DIP2B: variants seen among roughly 807,000 people sequenced by gnomAD.
DIP2B encodes disco-interacting protein 2 homolog B.
A neutral mutation model predicts 198.0 loss-of-function variants in DIP2B; 76 were observed. The observed-to-expected ratio is 0.38, with a 90% confidence interval of 0.32 to 0.46. DIP2B has a LOEUF of 0.46. Among genes scored for constraint, DIP2B ranks in the 20% least tolerant of loss-of-function variants. The pLI, the probability that DIP2B is intolerant of heterozygous loss-of-function variation, is 0.99. For missense variants in DIP2B, 1,559 were observed against 1,978.4 expected, an observed-to-expected ratio of 0.79 and a Z score of 4.02; for synonymous variants, 701 against 739.1, an observed-to-expected ratio of 0.95 and a Z score of 0.84.
In DIP2B at chr12:50,731,676, T is replaced by A. The variant is rs150585919; in HGVS notation, c.3810+139T>A. 4.2e-3 allele frequency: 4,420 copies of A among 1,042,242 alleles called. 14 individuals carry two copies. The highest frequency in any genetic ancestry group is 5.5e-3 in the Non-Finnish European group (4,093 of 750,292). 64.6% of individuals were successfully genotyped at this position (1,042,242 alleles called of 1,614,324 possible). On this transcript the variant is annotated intron_variant, in intron 31 of 37. Transcript: ENST00000301180. ...CACTCAGTTAAAAAAGGGTGTATTT[T>A]AAACTTTGGCAAGTTTATCTCTTCC...
chr12:50,544,816 A>G (rs966060450), intron 1 of DIP2B, among the ~76,000 whole-genome samples: 1 of 151,380 alleles, frequency 6.6e-6, no homozygotes, highest in Non-Finnish European at 1.5e-5. Context: ...AAGGGGTTCC[A>G]CTGTGTTAGC....
Position 50,505,235 on chromosome 12 carries a change from C to T in DIP2B, c.95C>T (p.Ser32Leu). 2 of 1,514,562 alleles carry T rather than the reference C, an allele frequency of 1.3e-6. No individual in the cohort carries two copies. The highest frequency in any genetic ancestry group is 2.4e-5 in the South Asian group (2 of 82,616). 93.8% of individuals were successfully genotyped at this position (1,514,562 alleles called of 1,614,324 possible). A position where few individuals can be genotyped will look rare whatever the true frequency, so the allele number is the denominator to read the frequency against. The change falls in exon 1 of 38, where the codon TCG (serine) becomes TTG (leucine). Residue 32 changes from serine to leucine, a missense_variant. By Grantham distance (145) the Ser-to-Leu change is moderately radical. Transcript: ENST00000301180. ...CTGGCGGAGCTGGAGCTGGAGCTCT[C>T]GGAGGGTAGGAGCCGGGCCGGGGAG... ...AQLAELELEL[S>L]EGDITQKGYE...
chr12:50,542,513 A>T (rs929689617), intron 1 of DIP2B, among the ~76,000 whole-genome samples: 2 of 152,170 alleles, frequency 1.3e-5, no homozygotes, highest in African/African-American at 4.8e-5. Context: ...GTTCATGCCC[A>T]TGTCTGATGT....
intron 1 of DIP2B, among the ~76,000 whole-genome samples, chr12:50,528,306 C>T (rs1045119079): frequency 4.7e-5 from 7 of 149,504 alleles, no homozygotes; most frequent in Admixed American, 6.7e-5. Context: ...ATAGTATCTA[C>T]GTTGTAGGAT....
chr12:50,729,618 T>G, intron 30 of DIP2B, among the ~76,000 whole-genome samples: 1 of 152,172 alleles, frequency 6.6e-6, no homozygotes, highest in East Asian at 1.9e-4. Flanking sequence ...TTCCTTCCTG[T>G]TTTTTCTTGC....
Position 50,692,998 on chromosome 12 carries a change from G to A in DIP2B, c.1704G>A (p.Trp568Ter). 1 of 1,610,932 alleles carries A rather than the reference G, an allele frequency of 6.2e-7. No homozygotes were observed. Among genetic ancestry groups the A allele is most frequent in the Non-Finnish European group, 8.5e-7 (1 of 1,179,194 alleles). Residue 568 changes from tryptophan to a stop codon, truncating the protein, a stop_gained, in exon 14 of 38, where the codon TGG becomes TGA. Transcript: ENST00000301180. LOFTEE classifies it high-confidence loss of function. ...VLDFKKDAGLWHGMFANVMNK... is the reference protein window; with the variant it reads ...VLDFKKDAGL ...ACTTTAAGAAGGATGCTGGGCTGTG[G>A]CACGGCATGTTTGCGGTAAGCTACT...
intron 2 of DIP2B, among the ~76,000 whole-genome samples, chr12:50,627,569 T>A (rs1937960570): frequency 6.6e-6 from 1 of 152,230 alleles, no homozygotes; most frequent in Admixed American, 6.5e-5. Context: ...GCTCAAGTAG[T>A]ACTGCCATCT....
intron 1 of DIP2B, among the ~76,000 whole-genome samples, chr12:50,509,968 G>A (rs1332256535): frequency 6.6e-6 from 1 of 152,216 alleles, no homozygotes; most frequent in Non-Finnish European, 1.5e-5. Flanking sequence ...GAACTTGCAT[G>A]TGTGTTTTTG....
intron 1 of DIP2B, among the ~76,000 whole-genome samples, chr12:50,543,379 C>T (rs1958343971): frequency 6.7e-6 from 1 of 149,560 alleles, no homozygotes; most frequent in South Asian, 2.1e-4. Flanking sequence ...AACTTCCGCT[C>T]CCCAGGTTCA....
chr12:50,633,882 A>G (rs1346835272), intron 2 of DIP2B, among the ~76,000 whole-genome samples: 2 of 152,206 alleles, frequency 1.3e-5, no homozygotes, highest in African/African-American at 4.8e-5. Flanking sequence ...ACCTCCCAGC[A>G]TTGGAACTGA....
chr12:50,700,098 C>T (rs542932199), intron 19 of DIP2B, among the ~76,000 whole-genome samples: 6 of 152,238 alleles, frequency 3.9e-5, no homozygotes, highest in Admixed American at 3.3e-4. Flanking sequence ...TTTTTGAGCA[C>T]CTTTAATGTG....
chr12:50,655,121 C>T (rs1247674300), intron 3 of DIP2B: 3 of 400,120 alleles, frequency 7.5e-6, no homozygotes, highest in Non-Finnish European at 1.5e-5. Flanking sequence ...TTAGAAACAT[C>T]TACATGCCCA....
At chr12:50,651,369 G>T (rs1938449874) in intron 3 of DIP2B, among the ~76,000 whole-genome samples, 1 of 152,146 alleles carries the variant, frequency 6.6e-6, no homozygotes, top group Non-Finnish European at 1.5e-5. Context: ...CTTACTGCCT[G>T]TGGTTTTGCT....
intron 1 of DIP2B, among the ~76,000 whole-genome samples, chr12:50,583,441 G>A (rs146381111): frequency 2.6e-5 from 4 of 152,162 alleles, no homozygotes; most frequent in East Asian, 1.9e-4. Context: ...TTCCCAAGGC[G>A]CTTACTGCTT....
chr12:50,661,228 T>C (rs894636080), intron 4 of DIP2B, among the ~76,000 whole-genome samples: 2 of 152,194 alleles, frequency 1.3e-5, no homozygotes, highest in African/African-American at 4.8e-5. Flanking sequence ...TGTCTCTCTT[T>C]CTACTTTCAT....
chr12:50,727,089 A>G (rs1939950909), intron 28 of DIP2B, among the ~76,000 whole-genome samples: 1 of 152,160 alleles, frequency 6.6e-6, no homozygotes. Context: ...CTGCACTCCA[A>G]CCTTGGCAAT....
chr12:50,683,327 A>G lies in DIP2B; in HGVS notation c.1317+79A>G. ...GGGTTCTTGGATAGATGTAGTCACAACAGTAAAAACTGTTCGACCATTTTT... is the reference window on the plus strand; with the variant it reads ...GGGTTCTTGGATAGATGTAGTCACAGCAGTAAAAACTGTTCGACCATTTTT... On this transcript the variant is annotated intron_variant, in intron 10 of 37. Coordinates refer to ENST00000301180, the MANE Select transcript of DIP2B (RefSeq NM_173602.3). The G allele has an allele frequency of 3.4e-6, 4 of 1,180,220 alleles. No homozygotes were observed. The East Asian group carries it at 1.0e-4, about 30-fold the overall frequency. 73.1% of individuals were successfully genotyped at this position (1,180,220 alleles called of 1,614,324 possible).
intron 3 of DIP2B, among the ~76,000 whole-genome samples, chr12:50,653,475 A>G (rs1938498459): frequency 6.6e-6 from 1 of 150,398 alleles, no homozygotes; most frequent in African/African-American, 2.4e-5. Flanking sequence ...GGTAGCTGGT[A>G]CTACATGAGC....
intron 21 of DIP2B, 135 bp from the exon 22 acceptor site, chr12:50,708,313 T>A (rs1333878352): frequency 1.5e-6 from 1 of 671,826 alleles, no homozygotes; most frequent in African/African-American, 1.8e-5. Context: ...GAGTAATGAT[T>A]ATGACATTTT....
Sources: gnomAD v4.1 joint callset for allele counts (sites outside exome capture counted in the v4.1 genomes callset) on GRCh38, gnomAD v4.1.1 for gene constraint, MANE v1.5 for transcripts, NCBI Gene and HGNC (gene_info 2026-07-23, HGNC 2026-07-21) for gene names.